PLEKHA8: variants seen among roughly 807,000 people sequenced by gnomAD.
The protein encoded by PLEKHA8 is pleckstrin homology domain containing A8.
PLEKHA8 carries 36 observed loss-of-function variants against 68.2 expected under a neutral mutation model. That is an observed-to-expected ratio of 0.53 (90% CI 0.40 to 0.70). PLEKHA8 has a LOEUF of 0.70. Ranked by LOEUF, PLEKHA8 falls within the 30% of genes least tolerant of loss-of-function variation. The pLI is 0.00. For missense variants in PLEKHA8, 505 were observed against 615.4 expected, an observed-to-expected ratio of 0.82 and a Z score of 1.90; for synonymous variants, 211 against 216.1, an observed-to-expected ratio of 0.98 and a Z score of 0.20.
chr7:30,113,939 C>T (rs1278167121), intron 13 of PLEKHA8, among the ~76,000 whole-genome samples: 2 of 150,204 alleles, frequency 1.3e-5, no homozygotes, highest in Middle Eastern at 6.8e-3. Flanking sequence ...CTCACCAATG[C>T]CCAGGCTGGA....
At chr7:30,085,425 A>G (rs1032278780), downstream of PLEKHA8, among the ~76,000 whole-genome samples, 6 of 152,320 alleles carry the variant, frequency 3.9e-5, no homozygotes, top group African/African-American at 1.2e-4. Flanking sequence ...GATGTAGAAC[A>G]ATTAGTAGAT....
intron 12 of PLEKHA8, among the ~76,000 whole-genome samples, chr7:30,067,094 T>C (rs1003956169): frequency 2.6e-5 from 4 of 152,252 alleles, no homozygotes; most frequent in African/African-American, 9.6e-5. Flanking sequence ...AGGGCATCTC[T>C]GGGTGCTTGT....
chr7:30,049,131 A>T, intron 4 of PLEKHA8, 93 bp from the exon 5 acceptor site: 1 of 1,451,130 alleles, frequency 6.9e-7, no homozygotes, highest in East Asian at 2.3e-5. Flanking sequence ...GTACATTATT[A>T]TTATTTTGTG....
intron 1 of PLEKHA8, among the ~76,000 whole-genome samples, chr7:30,034,773 G>A (rs1000523568): frequency 6.6e-6 from 1 of 152,028 alleles, no homozygotes; most frequent in African/African-American, 2.4e-5. Flanking sequence ...GGTATGCAAG[G>A]ATCAACTGTA....
chr7:30,080,025 C>T lies in PLEKHA8; in HGVS notation c.*1238C>T. ...CCAGCATTGACACCCAGCCAGCAGG[C>T]CTTTGCATTGCATTCGGGGACCATG... On this transcript the variant is annotated 3_prime_UTR_variant, in exon 14 of 14. Coordinates refer to ENST00000449726, the MANE Select transcript of PLEKHA8 (RefSeq NM_001197026.2). 1 of 985,152 alleles carries T rather than the reference C, an allele frequency of 1.0e-6. No homozygotes were observed. Among genetic ancestry groups the T allele is most frequent in the Non-Finnish European group, 1.2e-6 (1 of 829,886 alleles). 61.0% of individuals were successfully genotyped at this position (985,152 alleles called of 1,614,324 possible).
downstream of PLEKHA8, among the ~76,000 whole-genome samples, chr7:30,094,482 G>A (rs188100442): frequency 6.6e-6 from 1 of 151,444 alleles, no homozygotes; most frequent in Admixed American, 6.6e-5. Flanking sequence ...CATCACATTG[G>A]CCAGGCTGGT....
At chr7:30,031,943 G>A (rs1790702074) in intron 1 of PLEKHA8, among the ~76,000 whole-genome samples, 1 of 151,544 alleles carries the variant, frequency 6.6e-6, no homozygotes, top group African/African-American at 2.4e-5. Context: ...GCGTATTCAG[G>A]TACTCTATCC....
At position 30,041,133 on chromosome 7, in the gene PLEKHA8, A is replaced by G. The variant is rs372749180; in HGVS notation, c.41-3952A>G. On this transcript the variant is annotated intron_variant, in intron 1 of 13. Transcript: ENST00000449726. ...TTCCCAGCACTGGACATTATGAAAGACCAGTGTGTCCTAATACTAATCTGA... is the reference window on the plus strand; with the variant it reads ...TTCCCAGCACTGGACATTATGAAAGGCCAGTGTGTCCTAATACTAATCTGA... 8.5e-5 allele frequency among the ~76,000 whole-genome samples: 13 copies of G among 152,220 alleles called. No homozygotes were observed. In the East Asian group the frequency reaches 2.3e-3, roughly 27 times the overall value.
intron 12 of PLEKHA8, among the ~76,000 whole-genome samples, chr7:30,065,921 C>A (rs1225237281): frequency 6.6e-6 from 1 of 151,722 alleles, no homozygotes. Context: ...TGCAGACTAT[C>A]CGGTTCCACC....
chr7:30,030,400 T>G (rs1198210473), intron 1 of PLEKHA8, among the ~76,000 whole-genome samples: 1 of 152,236 alleles, frequency 6.6e-6, no homozygotes, highest in African/African-American at 2.4e-5. Context: ...GCTGTTGTTG[T>G]TGCTGACTGT....
intron 9 of PLEKHA8, among the ~76,000 whole-genome samples, chr7:30,058,185 T>C (rs1793143046): frequency 6.6e-6 from 1 of 152,178 alleles, no homozygotes; most frequent in African/African-American, 2.4e-5. Flanking sequence ...GAGAGTTCTT[T>C]ATATATTCTT....
At chr7:30,056,026 T>C (rs1237532790) in intron 9 of PLEKHA8, among the ~76,000 whole-genome samples, 1 of 149,364 alleles carries the variant, frequency 6.7e-6, no homozygotes, top group Non-Finnish European at 1.5e-5. Context: ...CACTGCAAGC[T>C]CCGCCCCCCA....
At chr7:30,103,924 C>T (rs979772362) in intron 13 of PLEKHA8, among the ~76,000 whole-genome samples, 2 of 152,082 alleles carry the variant, frequency 1.3e-5, no homozygotes, top group African/African-American at 2.4e-5. Context: ...AAAATACAAG[C>T]CATAGATGAG....
downstream of PLEKHA8, among the ~76,000 whole-genome samples, chr7:30,095,264 T>G (rs1354506218): frequency 6.6e-6 from 1 of 152,280 alleles, no homozygotes; most frequent in Non-Finnish European, 1.5e-5. Flanking sequence ...TTTGCATTTC[T>G]CTGATGGCCA....
downstream of PLEKHA8, among the ~76,000 whole-genome samples, chr7:30,094,379 A>G (rs1293847757): frequency 1.3e-5 from 2 of 151,666 alleles, no homozygotes; most frequent in Admixed American, 1.3e-4. Context: ...GGTTCAAGCA[A>G]TTCTTCTGCC....
In PLEKHA8 at chr7:30,048,085, G is replaced by A. The variant is rs186094599; in HGVS notation, c.438+129G>A. 24 of 485,964 alleles carry A rather than the reference G, an allele frequency of 4.9e-5. No individual in the cohort carries two copies. In the East Asian group the frequency reaches 1.0e-3, roughly 21 times the overall value. 30.1% of individuals were successfully genotyped at this position (485,964 alleles called of 1,614,324 possible). Reference sequence around the variant, plus strand: ...CTAATATACCTAAAAAGCACCAGACGTTGCTTACAGGTGGTGTTTACTCTC... The same window carrying A: ...CTAATATACCTAAAAAGCACCAGACATTGCTTACAGGTGGTGTTTACTCTC... On this transcript the variant is annotated intron_variant, in intron 4 of 13. Transcript: ENST00000449726.
intron 12 of PLEKHA8, among the ~76,000 whole-genome samples, chr7:30,065,372 G>T (rs1018405969): frequency 1.3e-5 from 2 of 152,102 alleles, no homozygotes; most frequent in African/African-American, 4.8e-5. Context: ...AGGAGATAAA[G>T]TTCCCCTATT....
intron 1 of PLEKHA8, among the ~76,000 whole-genome samples, chr7:30,031,820 C>T (rs1477987846): frequency 6.6e-6 from 1 of 152,054 alleles, no homozygotes; most frequent in Non-Finnish European, 1.5e-5. Flanking sequence ...AATTTTAAAT[C>T]GATAGGTATT....
At chr7:30,121,399 C>T (rs941171552) in intron 13 of PLEKHA8, among the ~76,000 whole-genome samples, 3 of 152,100 alleles carry the variant, frequency 2.0e-5, no homozygotes, top group African/African-American at 4.8e-5. Flanking sequence ...GTCGCTGAGG[C>T]GGGCAGATCA....
Sources: gnomAD v4.1 joint callset for allele counts (sites outside exome capture counted in the v4.1 genomes callset) on GRCh38, gnomAD v4.1.1 for gene constraint, MANE v1.5 for transcripts, NCBI Gene and HGNC (gene_info 2026-07-23, HGNC 2026-07-21) for gene names.